KTN1: variants seen among roughly 807,000 people sequenced by gnomAD.
KTN1 encodes the protein kinectin.
KTN1 carries 130 observed loss-of-function variants against 222.5 expected under a neutral mutation model. The observed-to-expected ratio is 0.58, with a 90% CI of 0.51 to 0.68. The LOEUF is 0.68. Ranked by LOEUF, KTN1 falls within the 30% of genes least tolerant of loss-of-function variation. KTN1 has a pLI of 0.00. For missense variants in KTN1, 1,508 were observed against 1,500.4 expected (o/e 1.01, Z -0.08); for synonymous variants, 512 against 496.3 (o/e 1.03, Z -0.42).
At chr14:55,600,542 T>A (rs1440063119) in intron 1 of KTN1, among the ~76,000 whole-genome samples, 2 of 152,194 alleles carry the variant, frequency 1.3e-5, no homozygotes, top group African/African-American at 4.8e-5. Context: ...TATTCATCCC[T>A]GCTTTTCAAA....
At chr14:55,597,698 A>G (rs1028850321) in intron 1 of KTN1, among the ~76,000 whole-genome samples, 3 of 152,104 alleles carry the variant, frequency 2.0e-5, no homozygotes, top group African/African-American at 7.2e-5. Context: ...TACTAAAAAT[A>G]CAAAAATTAA....
intron 1 of KTN1, among the ~76,000 whole-genome samples, chr14:55,591,229 T>C (rs1356404228): frequency 6.6e-6 from 1 of 152,222 alleles, no homozygotes; most frequent in Admixed American, 6.5e-5. Context: ...CTCAGTATAT[T>C]ATCAGGTATA....
At chr14:55,624,748 G>A (rs887248118) in intron 5 of KTN1, among the ~76,000 whole-genome samples, 2 of 152,192 alleles carry the variant, frequency 1.3e-5, no homozygotes, top group Admixed American at 6.5e-5. Flanking sequence ...GAAGTGGTGG[G>A]AGGAACACCA....
chr14:55,592,660 A>G (rs1188967391), intron 1 of KTN1, among the ~76,000 whole-genome samples: 1 of 152,218 alleles, frequency 6.6e-6, no homozygotes, highest in East Asian at 1.9e-4. Flanking sequence ...TAAACTTTGA[A>G]GTCCCTCCTC....
chr14:55,629,453 G>A (rs958493149), intron 6 of KTN1, among the ~76,000 whole-genome samples: 7 of 150,572 alleles, frequency 4.6e-5, no homozygotes, highest in Non-Finnish European at 1.0e-4. Flanking sequence ...TTTGACTTAG[G>A]AAGATGATAA....
At chr14:55,613,491 A>ATTTTT (rs57451000) in intron 2 of KTN1, among the ~76,000 whole-genome samples, 1 of 129,254 alleles carries the variant, frequency 7.7e-6, no homozygotes. Flanking sequence ...GTTATATTTG[A>ATTTTT]TTTTTTTTTT....
At chr14:55,612,824 G>C (rs924899197) in intron 2 of KTN1, among the ~76,000 whole-genome samples, 4 of 151,968 alleles carry the variant, frequency 2.6e-5, no homozygotes, top group African/African-American at 9.7e-5. Flanking sequence ...AGGCTGAAGT[G>C]GGAGGACCCC....
chr14:55,681,892 C>T (rs1037921498), intron 43 of KTN1: 1 of 152,018 alleles, frequency 6.6e-6, no homozygotes, highest in Non-Finnish European at 1.5e-5. Flanking sequence ...GGTTTTTATC[C>T]TTAGCTATCA....
At chr14:55,632,171 A>C (rs74053640) in intron 7 of KTN1, among the ~76,000 whole-genome samples, 2,955 of 152,286 alleles carry the variant, frequency 0.019, 93 homozygotes, top group African/African-American at 0.065. Flanking sequence ...TCCTAGCCTC[A>C]AGTGATCTTT....
rs77583595 is a variant in KTN1, at chr14:55,660,729, C to T, written c.3000-793C>T. ...TAAAGGCCCTGATAGCATTTTAGGCCTGTGGGACCCATAGGTCTGTTTTAT... is the reference window on the plus strand; with the variant it reads ...TAAAGGCCCTGATAGCATTTTAGGCTTGTGGGACCCATAGGTCTGTTTTAT... On this transcript the variant is annotated intron_variant, in intron 31 of 43. Transcript: ENST00000395314. Among the ~76,000 whole-genome samples the T allele has an allele frequency of 3.3e-4, 50 of 152,194 alleles. 1 individual carries two copies. The East Asian group carries it at 9.3e-3, about 28-fold the overall frequency.
chr14:55,586,165 C>T (rs1275974121), intron 1 of KTN1, among the ~76,000 whole-genome samples: 1 of 152,140 alleles, frequency 6.6e-6, no homozygotes, highest in Non-Finnish European at 1.5e-5. Flanking sequence ...TATGCAAGTT[C>T]TTTATTGTCC....
In KTN1 at chr14:55,665,790, A is replaced by G. The variant is rs546233795; in HGVS notation, c.3178-1451A>G. Among the ~76,000 whole-genome samples, 145 of 152,118 alleles carry G rather than the reference A, an allele frequency of 9.5e-4. 1 individual carries two copies. Among genetic ancestry groups the G allele is most frequent in the Non-Finnish European group, 1.7e-3 (112 of 67,864 alleles). ...TCCCAGATGTTAAAGTGGAATGGAA[A>G]TTGCTGTCTATAACCAAACTACTGT... On this transcript the variant is annotated intron_variant, in intron 33 of 43. Coordinates refer to ENST00000395314, the MANE Select transcript of KTN1 (RefSeq NM_001079521.2).
chr14:55,672,803 T>C (rs934346816), intron 38 of KTN1, 102 bp downstream of exon 38: 10 of 1,053,904 alleles, frequency 9.5e-6, no homozygotes, highest in Non-Finnish European at 1.4e-5. Flanking sequence ...GTTATGCTCT[T>C]AATATCTTGG....
intron 13 of KTN1, among the ~76,000 whole-genome samples, chr14:55,639,667 A>G (rs1177794436): frequency 1.3e-5 from 2 of 151,788 alleles, no homozygotes; most frequent in South Asian, 2.1e-4. Context: ...AAGATCTGAA[A>G]TCTGGTTTTG....
At chr14:55,614,850 A>C (rs1347674176) in intron 2 of KTN1, among the ~76,000 whole-genome samples, 2 of 152,184 alleles carry the variant, frequency 1.3e-5, no homozygotes, top group Non-Finnish European at 2.9e-5. Context: ...TAAAATAGGT[A>C]ATACTGGAGA....
chr14:55,594,132 CACTATT>C (rs985152909), intron 1 of KTN1, among the ~76,000 whole-genome samples: 8 of 152,176 alleles, frequency 5.3e-5, no homozygotes, highest in African/African-American at 1.7e-4. Flanking sequence ...TAATATTTCA[CACTATT>C]ACTAAGTATT....
chr14:55,623,848 A>G (rs933099709), intron 5 of KTN1, among the ~76,000 whole-genome samples: 1 of 152,234 alleles, frequency 6.6e-6, no homozygotes, highest in Non-Finnish European at 1.5e-5. Context: ...TTAAGATTAA[A>G]AGTAATTGCT....
chr14:55,653,145 C>A, intron 27 of KTN1, 60 bp downstream of exon 27: 1 of 1,102,778 alleles, frequency 9.1e-7, no homozygotes, highest in African/African-American at 1.6e-5. Context: ...TTGTTTAAGG[C>A]ATTAGAAAGT....
At chr14:55,683,026 T>C (rs574332577) in intron 43 of KTN1, 5 of 152,160 alleles carry the variant, frequency 3.3e-5, no homozygotes, top group Non-Finnish European at 5.9e-5. Context: ...AACAAATAGA[T>C]TCTTAAGTGT....
Sources: allele counts gnomAD v4.1 joint callset (sites outside exome capture counted in the v4.1 genomes callset), GRCh38; gene constraint gnomAD v4.1.1; transcripts MANE v1.5; gene names NCBI Gene and HGNC (gene_info 2026-07-23, HGNC 2026-07-21).